R3HCC1L: variants seen among roughly 807,000 people sequenced by gnomAD.
R3HCC1L encodes coiled-coil domain-containing protein R3HCC1L.
Under a neutral mutation model 59.9 loss-of-function variants are expected in R3HCC1L, and 51 were observed. That is an observed-to-expected ratio of 0.85 (90% CI 0.68 to 1.07). The LOEUF (loss-of-function observed/expected upper bound fraction) is 1.07. Among genes scored for constraint, R3HCC1L ranks in the 50% least tolerant of loss-of-function variants. The pLI is 0.00. For missense variants in R3HCC1L, 965 were observed against 933.0 expected, an observed-to-expected ratio of 1.03 and a Z score of -0.45; for synonymous variants, 322 against 315.2, an observed-to-expected ratio of 1.02 and a Z score of -0.23.
At chr10:98,145,291 T>C (rs1452640771) in intron 1 of R3HCC1L, among the ~76,000 whole-genome samples, 4 of 152,148 alleles carry the variant, frequency 2.6e-5, no homozygotes, top group African/African-American at 7.2e-5. Flanking sequence ...AATGTAAAAA[T>C]AGAAAACATG....
intron 4 of R3HCC1L, among the ~76,000 whole-genome samples, chr10:98,184,828 A>G (rs1235511696): frequency 1.3e-5 from 2 of 152,126 alleles, no homozygotes; most frequent in Non-Finnish European, 2.9e-5. Context: ...CTGCAGGTCC[A>G]CATTTGGCTT....
chr10:98,160,126 T>C (rs561176676), intron 2 of R3HCC1L, among the ~76,000 whole-genome samples: 1 of 152,352 alleles, frequency 6.6e-6, no homozygotes, highest in South Asian at 2.1e-4. Context: ...TTTTTGCTTA[T>C]TGGTTCAACT....
chr10:98,175,066 C>G (rs1320973273), intron 4 of R3HCC1L, among the ~76,000 whole-genome samples: 1 of 152,026 alleles, frequency 6.6e-6, no homozygotes, highest in East Asian at 1.9e-4. Flanking sequence ...AGTTTCTCAT[C>G]GTTAACGCGT....
At chr10:98,211,322 A>T in intron 5 of R3HCC1L, 1 of 1,530,658 alleles carries the variant, frequency 6.5e-7, no homozygotes, top group South Asian at 1.2e-5. Context: ...TCTGATGCAC[A>T]TAAAGCCCGA....
chr10:98,161,506 C>T (rs1847417475), intron 2 of R3HCC1L, among the ~76,000 whole-genome samples: 1 of 151,856 alleles, frequency 6.6e-6, no homozygotes. Context: ...TTATGTAGTC[C>T]AGTTTTAGAG....
chr10:98,208,678 C>G lies in R3HCC1L; in HGVS notation c.564C>G (p.Phe188Leu), dbSNP rs376474765. The change falls in exon 5 of 10, where the codon TTC becomes TTG. Residue 188 changes from phenylalanine to leucine, a missense_variant. Transcript: ENST00000298999. ...KPFQNVEFCD[F>L]SRHEPDGEAF... ...TCCAAAATGTGGAATTCTGTGACTT[C>G]AGTAGGCATGAACCTGATGGGGAAG... 3 of 1,613,958 alleles carry G rather than the reference C, an allele frequency of 1.9e-6. No individual in the cohort carries two copies. Among genetic ancestry groups the G allele is most frequent in the Non-Finnish European group, 8.5e-7 (1 of 1,180,022 alleles).
chr10:98,244,611 G>A lies in R3HCC1L; in HGVS notation c.*453G>A, dbSNP rs974390820. On this transcript the variant is annotated 3_prime_UTR_variant, in exon 10 of 10. Coordinates refer to ENST00000298999, the MANE Select transcript of R3HCC1L (RefSeq NM_001351015.2). ...CAGAGTAGGGGGTGGTTGGAGAGCA[G>A]TTAGTACAAAGAGGCAGAACAGTGT... is the stretch of plus-strand genomic sequence containing the variant. 6.3e-6 allele frequency: 1 copy of A among 159,446 alleles called. No individual in the cohort carries two copies. The highest frequency in any genetic ancestry group is 1.4e-5 in the Non-Finnish European group (1 of 72,096). 9.9% of individuals were successfully genotyped at this position (159,446 alleles called of 1,614,324 possible). A position where few individuals can be genotyped will look rare whatever the true frequency, so the allele number is the denominator to read the frequency against.
rs1481088117 is a variant in R3HCC1L, at chr10:98,209,684, A to G, written c.1570A>G (p.Thr524Ala). 2 of 1,614,016 alleles carry G rather than the reference A, an allele frequency of 1.2e-6. No homozygotes were observed. Among genetic ancestry groups the G allele is most frequent in the Admixed American group, 1.7e-5 (1 of 60,006 alleles). ...DTTEALHELR[T>A]AEEFKTEEQD... ...AACAGAAGCATTGCACGAACTAAGA[A>G]CTGCCGAAGAGTTCAAAACAGAAGA... Residue 524 changes from threonine (T) to alanine (A), a missense_variant, in exon 5 of 10, where the codon ACT becomes GCT. By Grantham distance (58) the Thr-to-Ala change is moderately conservative. Transcript: ENST00000298999.
chr10:98,139,143 T>C (rs1216599772), intron 1 of R3HCC1L, among the ~76,000 whole-genome samples: 2 of 152,206 alleles, frequency 1.3e-5, no homozygotes, highest in African/African-American at 4.8e-5. Context: ...TCTGTGACCT[T>C]GTCCTCATTA....
chr10:98,234,452 A>G lies in R3HCC1L; in HGVS notation c.1968A>G (p.Lys656=). The change falls in exon 7 of 10, where the codon AAA becomes AAG. Residue 656 remains lysine, a synonymous_variant. Transcript: ENST00000298999. ...LLRVFCSYQK[K]GFDIKWVDDT... is the part of the protein sequence containing the mutation. ...TTGTTTTTTTGTGTTGCAGAAAGAA[A>G]GGATTTGATATTAAATGGGTGGATG... 6.2e-7 allele frequency: 1 copy of G among 1,612,876 alleles called. No individual in the cohort carries two copies. The highest frequency in any genetic ancestry group is 8.5e-7 in the Non-Finnish European group (1 of 1,179,534).
intron 4 of R3HCC1L, among the ~76,000 whole-genome samples, chr10:98,205,180 T>C (rs1222618046): frequency 2.0e-5 from 3 of 152,254 alleles, no homozygotes; most frequent in Non-Finnish European, 4.4e-5. Context: ...CTAATTATTT[T>C]ACTACATTTT....
intron 5 of R3HCC1L, among the ~76,000 whole-genome samples, chr10:98,221,300 T>C (rs1399544240): frequency 1.3e-5 from 2 of 151,388 alleles, no homozygotes; most frequent in Non-Finnish European, 3.0e-5. Flanking sequence ...GATGAGGAGG[T>C]TGCGAAAATT....
intron 4 of R3HCC1L, among the ~76,000 whole-genome samples, chr10:98,187,939 C>T (rs1490037295): frequency 4.0e-5 from 6 of 151,768 alleles, no homozygotes; most frequent in Non-Finnish European, 5.9e-5. Context: ...TATAGAGTCT[C>T]GCTATGTTGC....
chr10:98,159,839 A>G (rs189506494), intron 2 of R3HCC1L, among the ~76,000 whole-genome samples: 156 of 152,258 alleles, frequency 1.0e-3, no homozygotes, highest in African/African-American at 3.7e-3. Flanking sequence ...TTTAATAATG[A>G]CTTTAAAAGC....
At chr10:98,207,444 C>CGG (rs1852819627) in intron 4 of R3HCC1L, among the ~76,000 whole-genome samples, 8 of 152,142 alleles carry the variant, frequency 5.3e-5, no homozygotes, top group Admixed American at 5.2e-4. Flanking sequence ...CTTCTATCCT[C>CGG]CTTCATCCTA....
intron 5 of R3HCC1L, among the ~76,000 whole-genome samples, chr10:98,222,582 A>G (rs902918496): frequency 6.6e-6 from 1 of 152,156 alleles, no homozygotes; most frequent in African/African-American, 2.4e-5. Context: ...GGGAGTTTTT[A>G]GCATGAAGGG....
At chr10:98,238,758 A>G (rs1485306533) in intron 9 of R3HCC1L, among the ~76,000 whole-genome samples, 1 of 152,216 alleles carries the variant, frequency 6.6e-6, no homozygotes, top group Non-Finnish European at 1.5e-5. Context: ...AAAAACTTAC[A>G]TAAAACATTT....
chr10:98,229,508 C>T (rs1031182858), intron 5 of R3HCC1L, among the ~76,000 whole-genome samples: 2 of 152,192 alleles, frequency 1.3e-5, no homozygotes, highest in African/African-American at 4.8e-5. Context: ...TCTAGATATA[C>T]AATCATGTCA....
intron 1 of R3HCC1L, among the ~76,000 whole-genome samples, chr10:98,149,881 C>G (rs533446548): frequency 2.0e-5 from 3 of 152,202 alleles, no homozygotes; most frequent in Non-Finnish European, 4.4e-5. Flanking sequence ...GTTTTTTTGT[C>G]TGGATGATCT....
Sources: allele counts gnomAD v4.1 joint callset (sites outside exome capture counted in the v4.1 genomes callset), GRCh38; gene constraint gnomAD v4.1.1; transcripts MANE v1.5; gene names NCBI Gene and HGNC (gene_info 2026-07-23, HGNC 2026-07-21).